KTN1: variants seen among roughly 807,000 people sequenced by gnomAD.
The protein encoded by KTN1 is kinectin 1, also known as kinectin.
Under a neutral mutation model 222.5 loss-of-function variants are expected in KTN1, and 130 were observed. That is an observed-to-expected ratio of 0.58 (90% CI 0.51 to 0.68). The LOEUF is 0.68. Ranked by LOEUF, KTN1 falls within the 30% of genes least tolerant of loss-of-function variation. The pLI is 0.00. For missense variants in KTN1, 1,508 were observed against 1,500.4 expected (o/e 1.01, Z -0.08); for synonymous variants, 512 against 496.3 (o/e 1.03, Z -0.42).
intron 22 of KTN1, 115 bp from the exon 23 acceptor site, chr14:55,650,213 A>T: frequency 1.4e-6 from 1 of 719,020 alleles, no homozygotes; most frequent in Non-Finnish European, 2.4e-6. Context: ...TTGCTATTTT[A>T]TTTAAAATGG....
At chr14:55,656,321 T>A (rs1439524970) in intron 29 of KTN1, 189 bp downstream of exon 29, 1 of 516,388 alleles carries the variant, frequency 1.9e-6, no homozygotes, top group African/African-American at 2.0e-5. Flanking sequence ...TATGTATACT[T>A]GTTTATTAAA....
chr14:55,657,666 T>C (rs10145687), intron 29 of KTN1, among the ~76,000 whole-genome samples: 15,347 of 152,104 alleles, frequency 0.1, 846 homozygotes, highest in African/African-American at 0.14. Context: ...ATCCCAGCAC[T>C]TTGGGAGGCT....
At chr14:55,683,349 CTA>C (rs1375544942) in intron 43 of KTN1, 1 of 152,110 alleles carries the variant, frequency 6.6e-6, no homozygotes, top group Non-Finnish European at 1.5e-5. Context: ...TCATCTCTTT[CTA>C]TATGTCTACA....
In KTN1 at chr14:55,596,045, C is replaced by G. The variant is rs1390948937; in HGVS notation, c.-31+15691C>G. Among the ~76,000 whole-genome samples the G allele has an allele frequency of 2.7e-5, 4 of 149,700 alleles. No homozygotes were observed. The East Asian group carries it at 8.1e-4, about 30-fold the overall frequency. On this transcript the variant is annotated intron_variant, in intron 1 of 43. Transcript: ENST00000395314. Reference sequence around the variant, plus strand: ...TGGCAGGCGCCTGTAGTCCCAGCTACTCAGGAGGCTGAAGCAGGAGAATGG... The same window carrying G: ...TGGCAGGCGCCTGTAGTCCCAGCTAGTCAGGAGGCTGAAGCAGGAGAATGG...
At chr14:55,623,321 G>A (rs1312062331) in intron 5 of KTN1, among the ~76,000 whole-genome samples, 1 of 152,238 alleles carries the variant, frequency 6.6e-6, no homozygotes, top group African/African-American at 2.4e-5. Flanking sequence ...TATGATAAAT[G>A]TGACTTTAAA....
At chr14:55,592,653 A>G (rs1385348345) in intron 1 of KTN1, among the ~76,000 whole-genome samples, 1 of 152,200 alleles carries the variant, frequency 6.6e-6, no homozygotes, top group Non-Finnish European at 1.5e-5. Context: ...TATTCAATAA[A>G]CTTTGAAGTC....
chr14:55,639,834 T>C, intron 13 of KTN1, 79 bp from the exon 14 acceptor site: 1 of 890,276 alleles, frequency 1.1e-6, no homozygotes, highest in South Asian at 1.5e-5. Context: ...GTAAGGATGA[T>C]GCTTTTTAAG....
intron 1 of KTN1, among the ~76,000 whole-genome samples, chr14:55,588,309 ATCTG>A (rs1420823241): frequency 1.3e-5 from 2 of 152,206 alleles, no homozygotes; most frequent in Non-Finnish European, 2.9e-5. Flanking sequence ...AAGATGAATC[ATCTG>A]TCTGAAACAG....
In KTN1 at chr14:55,612,064, T is replaced by C. The variant is rs1298161259; in HGVS notation, c.16T>C (p.Ser6Pro). 2 of 1,480,008 alleles carry C rather than the reference T, an allele frequency of 1.4e-6. No individual in the cohort carries two copies. Among genetic ancestry groups the C allele is most frequent in the South Asian group, 3.0e-5 (2 of 67,062 alleles). The allele number at this position is 1,480,008 out of a possible 1,614,324, so 91.7% of individuals were successfully genotyped here. A position where few individuals can be genotyped will look rare whatever the true frequency, so the allele number is the denominator to read the frequency against. MEFYESAYFIVLIPSI... is the reference protein window; with the variant it reads MEFYEPAYFIVLIPSI... Reference sequence around the variant, plus strand: ...CAAAAGTACCATGGAGTTTTATGAGTCAGCATATTTTATTGTTCTTATTCC... The same window carrying C: ...CAAAAGTACCATGGAGTTTTATGAGCCAGCATATTTTATTGTTCTTATTCC... The change falls in exon 2 of 44, where the codon TCA becomes CCA. Residue 6 changes from serine to proline, a missense_variant. Transcript: ENST00000395314.
chr14:55,605,102 A>C (rs1320919471), intron 1 of KTN1, among the ~76,000 whole-genome samples: 1 of 152,096 alleles, frequency 6.6e-6, no homozygotes, highest in Non-Finnish European at 1.5e-5. Flanking sequence ...ACATGTTGGA[A>C]TTGTCTTATT....
At position 55,652,836 on chromosome 14, in the gene KTN1, T is replaced by G. The variant is rs2043081009; in HGVS notation, c.2604-14T>G. 5.9e-6 allele frequency: 9 copies of G among 1,517,354 alleles called. No homozygotes were observed. Among genetic ancestry groups the G allele is most frequent in the Non-Finnish European group, 8.1e-6 (9 of 1,111,468 alleles). The allele number at this position is 1,517,354 out of a possible 1,614,324, so 94.0% of individuals were successfully genotyped here. ...TAACATTTTCATTTAGAGTTCTGAT[T>G]AATTTATTATCAGATTAAAAGGAAA... On this transcript the variant is annotated splice_polypyrimidine_tract_variant and intron_variant, in intron 25 of 43. Transcript: ENST00000395314.
intron 34 of KTN1, 65 bp from the exon 35 acceptor site, chr14:55,670,664 C>A: frequency 9.2e-7 from 1 of 1,081,796 alleles, no homozygotes; most frequent in Non-Finnish European, 1.4e-6. Context: ...TTAAATGTTT[C>A]ACCTGTTTTA....
intron 6 of KTN1, 32 bp downstream of exon 6, chr14:55,628,060 T>C (rs1006782286): frequency 1.6e-6 from 2 of 1,268,434 alleles, no homozygotes; most frequent in African/African-American, 1.5e-5. Flanking sequence ...AGGGATATAC[T>C]TCCCAAATCA....
At chr14:55,679,393 A>G in intron 42 of KTN1, 172 bp from the exon 43 acceptor site, 1 of 549,234 alleles carries the variant, frequency 1.8e-6, no homozygotes, top group South Asian at 3.0e-5. Context: ...TTGCACCACT[A>G]GTTAGCAAAC....
In KTN1 at chr14:55,667,291, C is replaced by CA; in HGVS notation, c.3234dup (p.Leu1079IlefsTer10). 6.2e-7 allele frequency: 1 copy of CA among 1,606,602 alleles called. No homozygotes were observed. The highest frequency in any genetic ancestry group is 8.5e-7 in the Non-Finnish European group (1 of 1,176,382). On this transcript the variant is annotated frameshift_variant, in exon 34 of 44. Coordinates refer to ENST00000395314, the MANE Select transcript of KTN1 (RefSeq NM_001079521.2). LOFTEE classifies it high-confidence loss of function. Reference sequence around the variant, plus strand: ...TTGAGTTGGAGGCTAAAGAAGTTCTCAAAAAATTATTTCCAAAGGTGTCTG... The same window carrying CA: ...TTGAGTTGGAGGCTAAAGAAGTTCTCAAAAAAATTATTTCCAAAGGTGTCTG...
At chr14:55,671,202 C>T (rs1566844219) in intron 35 of KTN1, 1 of 248,774 alleles carries the variant, frequency 4.0e-6, no homozygotes, top group South Asian at 1.2e-4. Flanking sequence ...TCCTTGGCTA[C>T]TGAAATTGGG....
intron 18 of KTN1, among the ~76,000 whole-genome samples, chr14:55,645,491 A>T (rs2042197278): frequency 6.6e-6 from 1 of 152,226 alleles, no homozygotes; most frequent in Non-Finnish European, 1.5e-5. Context: ...GGTACAATAC[A>T]GTAAATGGTT....
chr14:55,642,302 C>G (rs937534418), intron 18 of KTN1, among the ~76,000 whole-genome samples: 2 of 152,140 alleles, frequency 1.3e-5, no homozygotes, highest in Non-Finnish European at 1.5e-5. Flanking sequence ...AACCTTAATT[C>G]TTTTCCCTTA....
intron 18 of KTN1, chr14:55,644,344 A>T (rs1566783651): frequency 1.4e-6 from 1 of 701,292 alleles, no homozygotes; most frequent in East Asian, 2.7e-5. Flanking sequence ...ATGGATTTTT[A>T]TTCTGGAGGA....
Sources: gnomAD v4.1 joint callset for allele counts (sites outside exome capture counted in the v4.1 genomes callset) on GRCh38, gnomAD v4.1.1 for gene constraint, MANE v1.5 for transcripts, NCBI Gene and HGNC (gene_info 2026-07-23, HGNC 2026-07-21) for gene names.